The following SRGAP3 variants were observed in gnomAD, a reference collection of about 807,000 sequenced individuals.
The protein encoded by SRGAP3 is SLIT-ROBO Rho GTPase activating protein 3, also known as SLIT-ROBO Rho GTPase-activating protein 3.
Under a neutral mutation model 121.1 loss-of-function variants are expected in SRGAP3, and 39 were observed. The ratio of observed to expected loss-of-function variants is 0.32; its 90% CI spans 0.25 to 0.42. The LOEUF (loss-of-function observed/expected upper bound fraction) is 0.42. Ranked by LOEUF, SRGAP3 falls within the 10% of genes least tolerant of loss-of-function variation. The pLI is 1.00. For synonymous variants in SRGAP3, 601 were observed against 570.0 expected (o/e 1.05, Z -0.77); for missense variants, 1,213 against 1,470.6 (o/e 0.82, Z 2.86).
chr3:9,081,782 A>G (rs762217776), intron 3 of SRGAP3, among the ~76,000 whole-genome samples: 6 of 152,202 alleles, frequency 3.9e-5, no homozygotes, highest in Non-Finnish European at 8.8e-5. Context: ...TGAAGAGTCT[A>G]GAATTCTTTG....
intron 1 of SRGAP3, among the ~76,000 whole-genome samples, chr3:9,154,406 A>T (rs1030676589): frequency 1.3e-5 from 2 of 151,954 alleles, no homozygotes; most frequent in African/African-American, 2.4e-5. Context: ...AGACTCAAAT[A>T]TCTCAGCCCC....
At chr3:9,260,718 G>A (rs2600158) in intron 3 of SRGAP3, among the ~76,000 whole-genome samples, 35,056 of 152,068 alleles carry the variant, frequency 0.23, 4,350 homozygotes, top group Non-Finnish European at 0.28. Flanking sequence ...AACTGTGGGC[G>A]CAGCTTCAAC....
chr3:9,095,158 G>GT (rs1947917969), intron 3 of SRGAP3, among the ~76,000 whole-genome samples: 1 of 151,790 alleles, frequency 6.6e-6, no homozygotes, highest in Non-Finnish European at 1.5e-5. Context: ...TTATTAATTT[G>GT]TAAGAGCTGA....
At chr3:9,212,450 A>G (rs1952477907) in intron 1 of SRGAP3, among the ~76,000 whole-genome samples, 1 of 152,238 alleles carries the variant, frequency 6.6e-6, no homozygotes, top group South Asian at 2.1e-4. Flanking sequence ...GGCCAGGCAC[A>G]GTGGCTCATG....
Position 9,026,975 on chromosome 3 carries a change from C to G in SRGAP3, c.1560G>C (p.Pro520=), listed in dbSNP as rs149562515. ...AACGGATGCAGCTCTCGACTACAAG[C>G]GGTATAGCTTGTCCTGAATCCTTGA... ...AFIKDSGQAI[P]LVVESCIRYI... Residue 520 remains proline (P), a synonymous_variant, in exon 13 of 22, where the codon CCG becomes CCC. Coordinates refer to ENST00000383836, the MANE Select transcript of SRGAP3 (RefSeq NM_014850.4). 2 of 1,614,186 alleles carry G rather than the reference C, an allele frequency of 1.2e-6. No individual in the cohort carries two copies. The highest frequency in any genetic ancestry group is 8.5e-7 in the Non-Finnish European group (1 of 1,180,034).
chr3:8,998,171 G>C (rs1455134541), intron 18 of SRGAP3, among the ~76,000 whole-genome samples: 1 of 152,320 alleles, frequency 6.6e-6, no homozygotes, highest in South Asian at 2.1e-4. Flanking sequence ...TTACAGGCGT[G>C]AGCCACCACC....
At chr3:9,123,567 C>T (rs1020776998) in intron 2 of SRGAP3, among the ~76,000 whole-genome samples, 3 of 151,604 alleles carry the variant, frequency 2.0e-5, no homozygotes, top group African/African-American at 7.3e-5. Flanking sequence ...ATTAGTTGGG[C>T]GTGGTGGTGC....
chr3:9,358,710 G>C (rs767389222), intron 1 of SRGAP3, among the ~76,000 whole-genome samples: 1 of 152,160 alleles, frequency 6.6e-6, no homozygotes, highest in Non-Finnish European at 1.5e-5. Context: ...CTTTAAGTTG[G>C]GGTTTCCATG....
chr3:9,291,876 G>A, intron 3 of SRGAP3, among the ~76,000 whole-genome samples: 1 of 152,116 alleles, frequency 6.6e-6, no homozygotes, highest in East Asian at 1.9e-4. Context: ...AAGACAGAGT[G>A]AGCCAAATTA....
chr3:9,043,049 C>T (rs1351416837), intron 10 of SRGAP3, among the ~76,000 whole-genome samples: 1 of 152,176 alleles, frequency 6.6e-6, no homozygotes, highest in Non-Finnish European at 1.5e-5. Flanking sequence ...TCTGATCACC[C>T]TATCTAAAGC....
intron 1 of SRGAP3, among the ~76,000 whole-genome samples, chr3:9,173,450 C>G (rs540690400): frequency 1.3e-5 from 2 of 152,314 alleles, no homozygotes; most frequent in African/African-American, 4.8e-5. Flanking sequence ...AAAACAGTTC[C>G]TGCACTCAAG....
At chr3:9,017,108 G>GATTCAAGAT (rs1943677257) in intron 14 of SRGAP3, among the ~76,000 whole-genome samples, 1 of 151,988 alleles carries the variant, frequency 6.6e-6, no homozygotes, top group Non-Finnish European at 1.5e-5. Context: ...GGCTCTGTTT[G>GATTCAAGAT]CTTTTTGTAG....
At chr3:9,217,324 A>T (rs1952669750) in intron 1 of SRGAP3, 1 of 152,178 alleles carries the variant, frequency 6.6e-6, no homozygotes, top group Non-Finnish European at 1.5e-5. Flanking sequence ...GAGAAATTTA[A>T]CTACTTTAAC....
chr3:9,342,027 C>A (rs538843439), intron 1 of SRGAP3, among the ~76,000 whole-genome samples: 1 of 152,198 alleles, frequency 6.6e-6, no homozygotes, highest in African/African-American at 2.4e-5. Context: ...GTAACTTTTG[C>A]CGAAGTTTCA....
chr3:9,161,691 AG>A (rs1223211492), intron 1 of SRGAP3, among the ~76,000 whole-genome samples: 2 of 152,200 alleles, frequency 1.3e-5, no homozygotes, highest in Non-Finnish European at 2.9e-5. Context: ...TACCAACAAT[AG>A]GAGGGAGAAA....
chr3:9,028,165 A>G (rs754774925), intron 12 of SRGAP3: 3 of 1,613,862 alleles, frequency 1.9e-6, no homozygotes, highest in South Asian at 2.2e-5. Flanking sequence ...GCAGAGCAGG[A>G]GAAAAAGAAA....
chr3:9,300,472 G>A (rs958215545), intron 3 of SRGAP3, among the ~76,000 whole-genome samples: 4 of 151,828 alleles, frequency 2.6e-5, no homozygotes, highest in Non-Finnish European at 5.9e-5. Flanking sequence ...TGGGCACCTC[G>A]CCCTTGTCTC....
At chr3:9,157,977 C>T (rs1950476106) in intron 1 of SRGAP3, among the ~76,000 whole-genome samples, 1 of 152,190 alleles carries the variant, frequency 6.6e-6, no homozygotes, top group African/African-American at 2.4e-5. Context: ...GTTATTTTCA[C>T]CTAATCCTTT....
At chr3:9,284,413 G>A (rs754150354) in intron 3 of SRGAP3, among the ~76,000 whole-genome samples, 20 of 152,230 alleles carry the variant, frequency 1.3e-4, no homozygotes, top group Non-Finnish European at 2.4e-4. Flanking sequence ...ATGACTACTA[G>A]TAAAGTTTGG....
Sources: allele counts gnomAD v4.1 joint callset (sites outside exome capture counted in the v4.1 genomes callset), GRCh38; gene constraint gnomAD v4.1.1; transcripts MANE v1.5; gene names NCBI Gene and HGNC (gene_info 2026-07-23, HGNC 2026-07-21).